Variants in NFIB observed in about 807,000 individuals in gnomAD.
NFIB encodes nuclear factor I B, also known as nuclear factor 1 B-type.
A neutral mutation model predicts 61.5 loss-of-function variants in NFIB; 11 were observed. That is an observed-to-expected ratio of 0.18 (90% confidence interval 0.11 to 0.30). The LOEUF (loss-of-function observed/expected upper bound fraction) is 0.30. NFIB is among the 10% of genes least tolerant of loss of function. NFIB has a pLI of 1.00. For missense variants in NFIB, 471 were observed against 608.9 expected (o/e 0.77, Z 2.38); for synonymous variants, 260 against 216.5 (o/e 1.20, Z -1.76).
upstream of NFIB, among the ~76,000 whole-genome samples, chr9:14,318,816 G>A (rs1161265665): frequency 6.6e-6 from 1 of 151,966 alleles, no homozygotes; most frequent in Non-Finnish European, 1.5e-5. Context: ...CAATCAAGAA[G>A]TATTGAAAGT....
the NFIB span, among the ~76,000 whole-genome samples, chr9:14,438,663 A>G: frequency 6.6e-6 from 1 of 152,332 alleles, no homozygotes; most frequent in East Asian, 1.9e-4. Context: ...GCTTTCTAAT[A>G]GAATTCCTCA....
chr9:14,382,002 G>C (rs1433951841), intron 1 of NFIB, among the ~76,000 whole-genome samples: 9 of 152,190 alleles, frequency 5.9e-5, no homozygotes, highest in Admixed American at 5.9e-4. Context: ...CTAAAAACCT[G>C]AGAATTTGTT....
chr9:14,285,617 A>C (rs1262779273), intron 2 of NFIB, among the ~76,000 whole-genome samples: 1 of 152,208 alleles, frequency 6.6e-6, no homozygotes, highest in African/African-American at 2.4e-5. Flanking sequence ...TCTGTCACTT[A>C]ACTAGCTTGC....
chr9:14,515,721 G>C, the NFIB span, among the ~76,000 whole-genome samples: 1 of 152,124 alleles, frequency 6.6e-6, no homozygotes. Flanking sequence ...TATCCTCGGG[G>C]CCATGCGAAA....
the NFIB span, among the ~76,000 whole-genome samples, chr9:14,479,426 T>C: frequency 2.6e-5 from 4 of 152,210 alleles, no homozygotes; most frequent in African/African-American, 9.7e-5. Context: ...GGCTTGGGTA[T>C]GGTGGAGCTT....
At chr9:14,377,722 C>A (rs1044635022) in intron 1 of NFIB, among the ~76,000 whole-genome samples, 2 of 152,210 alleles carry the variant, frequency 1.3e-5, no homozygotes, top group Non-Finnish European at 2.9e-5. Context: ...TGACCTGGAA[C>A]TCTATTGACC....
chr9:14,270,749 GT>G (rs1332095019), intron 2 of NFIB, among the ~76,000 whole-genome samples: 2 of 152,080 alleles, frequency 1.3e-5, no homozygotes, highest in Admixed American at 6.6e-5. Context: ...GGAATGCTCA[GT>G]GAAAAATTAC....
In NFIB at chr9:14,087,556, T is replaced by A; in HGVS notation, c.*753A>T. 1 of 227,092 alleles carries A rather than the reference T, an allele frequency of 4.4e-6. No individual in the cohort carries two copies. Among genetic ancestry groups the A allele is most frequent in the East Asian group, 6.3e-5 (1 of 15,830 alleles). The allele number at this position is 227,092 out of a possible 1,614,324, so 14.1% of individuals were successfully genotyped here. ...CCATAGAGCCTTTGTGTTCAAACTG[T>A]TTTTTTCCTTTTTTCTTTTTTTCCT... On this transcript the variant is annotated 3_prime_UTR_variant, in exon 11 of 11. Transcript: ENST00000380953.
chr9:14,463,294 T>C, the NFIB span, among the ~76,000 whole-genome samples: 4 of 151,910 alleles, frequency 2.6e-5, no homozygotes, highest in Admixed American at 2.0e-4. Flanking sequence ...TGGGCATAAT[T>C]ACTAAAAAAT....
chr9:14,475,441 C>T, the NFIB span, among the ~76,000 whole-genome samples: 401 of 152,240 alleles, frequency 2.6e-3, 3 homozygotes, highest in Middle Eastern at 0.01. Flanking sequence ...ATGGACGGTA[C>T]AGTTCAGGAA....
At chr9:14,327,413 C>G (rs148266962) in intron 1 of NFIB, among the ~76,000 whole-genome samples, 181 of 152,254 alleles carry the variant, frequency 1.2e-3, no homozygotes, top group African/African-American at 4.3e-3. Flanking sequence ...TGTCTATATT[C>G]CGTAAGTAAG....
intron 1 of NFIB, among the ~76,000 whole-genome samples, chr9:14,340,382 G>A (rs932689): frequency 0.98 from 148,830 of 152,256 alleles, 72,820 homozygotes; most frequent in Middle Eastern, 1. Flanking sequence ...CATTAGAATC[G>A]CCCAGGGGAA....
the NFIB span, among the ~76,000 whole-genome samples, chr9:14,443,003 A>C: frequency 4.0e-5 from 6 of 151,558 alleles, no homozygotes; most frequent in African/African-American, 1.2e-4. Flanking sequence ...CAAATCTTTC[A>C]CAGATCTTTA....
At chr9:14,204,986 G>A in intron 2 of NFIB, 1 of 301,908 alleles carries the variant, frequency 3.3e-6, no homozygotes, top group Non-Finnish European at 6.4e-6. Flanking sequence ...CAAGCCTGTG[G>A]CTTACATTGC....
intron 2 of NFIB, among the ~76,000 whole-genome samples, chr9:14,244,025 T>C (rs2054623617): frequency 1.3e-5 from 2 of 152,242 alleles, no homozygotes; most frequent in South Asian, 2.1e-4. Context: ...AGTACTATTA[T>C]GTGGTAATAC....
At chr9:14,100,707 C>G (rs1266464638) in intron 10 of NFIB, among the ~76,000 whole-genome samples, 1 of 152,206 alleles carries the variant, frequency 6.6e-6, no homozygotes, top group African/African-American at 2.4e-5. Context: ...GAGCGAGACT[C>G]CGTCTCAAAA....
At chr9:14,156,577 G>C (rs2043433345) in intron 3 of NFIB, among the ~76,000 whole-genome samples, 4 of 152,280 alleles carry the variant, frequency 2.6e-5, no homozygotes, top group Non-Finnish European at 4.4e-5. Context: ...GGTGAATCCA[G>C]GCCTCTGGGA....
At chr9:14,261,035 G>A (rs1049268221) in intron 2 of NFIB, among the ~76,000 whole-genome samples, 2 of 152,194 alleles carry the variant, frequency 1.3e-5, no homozygotes, top group African/African-American at 4.8e-5. Flanking sequence ...ACTGAAAAGG[G>A]GCCGGGCACA....
chr9:14,451,710 T>A, the NFIB span, among the ~76,000 whole-genome samples: 5 of 152,238 alleles, frequency 3.3e-5, no homozygotes, highest in African/African-American at 1.2e-4. Flanking sequence ...AAGAGGGCTT[T>A]AGTCTCCCAT....
Sources: gnomAD v4.1 joint callset for allele counts (sites outside exome capture counted in the v4.1 genomes callset) on GRCh38, gnomAD v4.1.1 for gene constraint, MANE v1.5 for transcripts, NCBI Gene and HGNC (gene_info 2026-07-23, HGNC 2026-07-21) for gene names.